FOXP1: variants seen among roughly 807,000 people sequenced by gnomAD.
The protein encoded by FOXP1 is forkhead box P1, also known as forkhead box protein P1.
FOXP1 carries 15 observed loss-of-function variants against 98.2 expected under a neutral mutation model. The ratio of observed to expected loss-of-function variants is 0.15; its 90% CI spans 0.10 to 0.24. The LOEUF (loss-of-function observed/expected upper bound fraction) is 0.24, where lower values mean the gene tolerates loss of function less well. FOXP1 is among the 10% of genes least tolerant of loss of function. The pLI is 1.00. For missense variants in FOXP1, 633 were observed against 848.5 expected, an observed-to-expected ratio of 0.75 and a Z score of 3.15; for synonymous variants, 371 against 314.5, an observed-to-expected ratio of 1.18 and a Z score of -1.90.
chr3:71,535,539 TAACAACAAC>T (rs543028893), intron 2 of FOXP1, among the ~76,000 whole-genome samples: 11 of 151,804 alleles, frequency 7.2e-5, no homozygotes, highest in Non-Finnish European at 1.3e-4. Flanking sequence ...AACCCATCTC[TAACAACAAC>T]AACAACAACA....
At chr3:71,186,284 T>C (rs1488538989) in intron 6 of FOXP1, among the ~76,000 whole-genome samples, 2 of 152,232 alleles carry the variant, frequency 1.3e-5, no homozygotes, top group Non-Finnish European at 2.9e-5. Context: ...AAGATTCTTT[T>C]AACCACCAAT....
intron 7 of FOXP1, among the ~76,000 whole-genome samples, chr3:71,059,002 C>T (rs1409125607): frequency 1.3e-5 from 2 of 151,872 alleles, no homozygotes; most frequent in Non-Finnish European, 2.9e-5. Context: ...CAATACTGTA[C>T]AAAGCACTAA....
At chr3:71,287,431 C>T (rs1022039538) in intron 5 of FOXP1, among the ~76,000 whole-genome samples, 6 of 152,088 alleles carry the variant, frequency 3.9e-5, no homozygotes, top group African/African-American at 9.7e-5. Flanking sequence ...CGAGACTGCA[C>T]CACTGCACTC....
At chr3:71,131,108 A>G (rs1387042433) in intron 6 of FOXP1, among the ~76,000 whole-genome samples, 3 of 152,068 alleles carry the variant, frequency 2.0e-5, no homozygotes, top group Non-Finnish European at 4.4e-5. Context: ...GGATTTTGTC[A>G]CATGTATTTT....
At chr3:71,016,323 A>G (rs919358751) in intron 11 of FOXP1, among the ~76,000 whole-genome samples, 3 of 152,176 alleles carry the variant, frequency 2.0e-5, no homozygotes, top group Non-Finnish European at 4.4e-5. Flanking sequence ...GTTCCAATCA[A>G]TACGTAATGA....
Position 71,198,272 on chromosome 3 carries a change from G to T in FOXP1, c.110C>A (p.Ser37Tyr). 1 of 1,614,144 alleles carries T rather than the reference G, an allele frequency of 6.2e-7. No individual in the cohort carries two copies. The highest frequency in any genetic ancestry group is 8.5e-7 in the Non-Finnish European group (1 of 1,180,038). The change falls in exon 6 of 21, where the codon TCC becomes TAC. Residue 37 changes from serine (S) to tyrosine (Y), a missense_variant. Physicochemically the swap from Ser to Tyr is moderately radical, Grantham distance 144 (BLOSUM62 -2). Coordinates refer to ENST00000649528, the MANE Select transcript of FOXP1 (RefSeq NM_001349338.3). ...LECGGLREGR[S>Y]NGETPAVDIG... ...GTCCACGGCCGGCGTCTCTCCGTTGGACCGCCCCTCCCGAAGACCGCCGCA... is the reference window on the plus strand; with the variant it reads ...GTCCACGGCCGGCGTCTCTCCGTTGTACCGCCCCTCCCGAAGACCGCCGCA...
Position 71,558,927 on chromosome 3 carries a change from C to A in FOXP1, c.-298+22622G>T, listed in dbSNP as rs1033906287. On this transcript the variant is annotated intron_variant, in intron 2 of 20. Coordinates refer to ENST00000649528, the MANE Select transcript of FOXP1 (RefSeq NM_001349338.3). ...AAGCAATTCTCCTGCCTCAGCCTCC[C>A]AAGTAGCTGGAACTACAGGTGCCTG... Among the ~76,000 whole-genome samples the A allele has an allele frequency of 4.6e-5, 7 of 151,554 alleles. 1 individual carries two copies. Among genetic ancestry groups the A allele is most frequent in the Non-Finnish European group, 1.5e-5 (1 of 67,904 alleles).
chr3:70,971,558 G>A (rs1177321894), intron 18 of FOXP1: 1 of 154,782 alleles, frequency 6.5e-6, no homozygotes, highest in Non-Finnish European at 1.4e-5. Flanking sequence ...TAAAGGAAGT[G>A]TATGCAATAT....
intron 5 of FOXP1, among the ~76,000 whole-genome samples, chr3:71,279,967 T>TA (rs1194024776): frequency 2.0e-5 from 3 of 151,358 alleles, no homozygotes; most frequent in African/African-American, 7.3e-5. Flanking sequence ...ACTAAAAATA[T>TA]AAAAAATTAG....
At position 71,336,407 on chromosome 3, in the gene FOXP1, C is replaced by G. The variant is rs768235371; in HGVS notation, c.-73+22743G>C. 3.9e-5 allele frequency among the ~76,000 whole-genome samples: 6 copies of G among 152,136 alleles called. No individual in the cohort carries two copies. The East Asian group carries it at 1.2e-3, about 29-fold the overall frequency. On this transcript the variant is annotated intron_variant, in intron 4 of 20. Coordinates refer to ENST00000649528, the MANE Select transcript of FOXP1 (RefSeq NM_001349338.3). ...GCCCCACATGCATTAGGTATTTGTCCTAATGCTCTCCCTCCCCTTGCCCTC... is the reference window on the plus strand; with the variant it reads ...GCCCCACATGCATTAGGTATTTGTCGTAATGCTCTCCCTCCCCTTGCCCTC...
At chr3:71,571,164 C>A (rs1309567444) in intron 2 of FOXP1, 2 of 152,106 alleles carry the variant, frequency 1.3e-5, no homozygotes, top group African/African-American at 2.4e-5. Context: ...GCTTTGTTGA[C>A]AAGGAAGGTA....
intron 2 of FOXP1, among the ~76,000 whole-genome samples, chr3:71,518,671 G>T (rs1290452484): frequency 1.3e-5 from 2 of 152,190 alleles, no homozygotes; most frequent in South Asian, 2.1e-4. Flanking sequence ...AGAACAAAGG[G>T]TGTCTGAAAC....
chr3:71,327,730 G>A (rs1378938616), intron 4 of FOXP1, among the ~76,000 whole-genome samples: 1 of 152,094 alleles, frequency 6.6e-6, no homozygotes, highest in Non-Finnish European at 1.5e-5. Context: ...CTGCTGTAAA[G>A]GGTAGTTCAA....
intron 5 of FOXP1, among the ~76,000 whole-genome samples, chr3:71,262,618 G>A (rs986324049): frequency 7.9e-5 from 12 of 152,152 alleles, no homozygotes; most frequent in Admixed American, 3.3e-4. Flanking sequence ...CAGAACCAAC[G>A]TGGGAAACAA....
chr3:71,184,902 G>A (rs7644816), intron 6 of FOXP1, among the ~76,000 whole-genome samples: 9,108 of 152,090 alleles, frequency 0.06, 335 homozygotes, highest in African/African-American at 0.098. Context: ...TAAAAATGAT[G>A]GTATTAGAGG....
At chr3:71,568,889 C>T (rs2047119675) in intron 2 of FOXP1, among the ~76,000 whole-genome samples, 1 of 152,156 alleles carries the variant, frequency 6.6e-6, no homozygotes, top group African/African-American at 2.4e-5. Flanking sequence ...TCAGGTGATC[C>T]ACCCGCCTTG....
intron 3 of FOXP1, among the ~76,000 whole-genome samples, chr3:71,476,648 G>A (rs1248661418): frequency 6.8e-6 from 1 of 146,516 alleles, no homozygotes; most frequent in Admixed American, 6.9e-5. Flanking sequence ...CCGCCATCAT[G>A]CCCAGCTAAT....
chr3:71,503,827 C>T (rs1021969882), intron 2 of FOXP1, among the ~76,000 whole-genome samples: 1 of 152,090 alleles, frequency 6.6e-6, no homozygotes, highest in African/African-American at 2.4e-5. Context: ...GCCTTGTTTT[C>T]CAAGGTTATA....
chr3:71,150,252 C>G (rs1038698154), intron 6 of FOXP1, among the ~76,000 whole-genome samples: 17 of 152,156 alleles, frequency 1.1e-4, no homozygotes, highest in African/African-American at 4.1e-4. Flanking sequence ...GATGCCCTGG[C>G]AGTGGCAATG....
Sources: allele counts gnomAD v4.1 joint callset (sites outside exome capture counted in the v4.1 genomes callset), GRCh38; gene constraint gnomAD v4.1.1; transcripts MANE v1.5; gene names NCBI Gene and HGNC (gene_info 2026-07-23, HGNC 2026-07-21).